Variants in GPATCH8 observed in about 807,000 individuals in gnomAD.
GPATCH8 encodes G patch domain-containing protein 8.
In GPATCH8, 18 loss-of-function variants were observed where a neutral mutation model predicts 118.3. The observed-to-expected ratio is 0.15, with a 90% CI of 0.11 to 0.23. The LOEUF is 0.23. Among genes scored for constraint, GPATCH8 ranks in the 10% least tolerant of loss-of-function variants. GPATCH8 has a pLI of 1.00. For missense variants in GPATCH8, 1,631 were observed against 1,873.8 expected (o/e 0.87, Z 2.39); for synonymous variants, 659 against 684.7 (o/e 0.96, Z 0.59).
rs1176540299 is a variant in GPATCH8, at chr17:44,459,662, T to G, written c.193+4810A>C. On this transcript the variant is annotated intron_variant, in intron 3 of 7. Transcript: ENST00000591680. ...ACTGATCACATACTTAATTTAAGTATGAAAGGAGTGCACAAAAGTAGAAAA... is the reference window on the plus strand; with the variant it reads ...ACTGATCACATACTTAATTTAAGTAGGAAAGGAGTGCACAAAAGTAGAAAA... 2.0e-5 allele frequency among the ~76,000 whole-genome samples: 3 copies of G among 151,916 alleles called. No homozygotes were observed. The East Asian group carries it at 5.8e-4, about 29-fold the overall frequency.
intron 2 of GPATCH8, 134 bp downstream of exon 2, chr17:44,474,695 G>A (rs1163070711): frequency 2.8e-6 from 2 of 705,892 alleles, no homozygotes; most frequent in East Asian, 2.7e-5. Context: ...ATTGATTACT[G>A]TATGGCATGC....
intron 6 of GPATCH8, among the ~76,000 whole-genome samples, chr17:44,412,218 C>T (rs57450948): frequency 0.022 from 3,288 of 152,046 alleles, 64 homozygotes; most frequent in East Asian, 0.12. Flanking sequence ...CCACCACGCA[C>T]GGCCAAAAAA....
At chr17:44,468,001 G>A (rs966684341) in intron 2 of GPATCH8, among the ~76,000 whole-genome samples, 1 of 151,496 alleles carries the variant, frequency 6.6e-6, no homozygotes, top group Non-Finnish European at 1.5e-5. Flanking sequence ...AATTATTCCA[G>A]GATTTTTTTT....
chr17:44,439,506 G>A (rs1160489507), intron 3 of GPATCH8, among the ~76,000 whole-genome samples: 2 of 152,110 alleles, frequency 1.3e-5, no homozygotes. Flanking sequence ...TGACATTATT[G>A]CCTGGGCCAA....
intron 1 of GPATCH8, among the ~76,000 whole-genome samples, chr17:44,497,777 A>G (rs12935958): frequency 0.03 from 4,614 of 151,782 alleles, 216 homozygotes; most frequent in African/African-American, 0.11. Flanking sequence ...CCGTCTCTAA[A>G]AAAAGTACAA....
In GPATCH8 at chr17:44,399,330, T is replaced by C. The variant is rs765741160; in HGVS notation, c.2747A>G (p.Tyr916Cys). ...TTTTGATCGGTGTTTGGAGCTGGCA[T>C]AGTCTGAGTCATCTGAGTCATGGGA... ...KRSHDSDDSD[Y>C]ASSKHRSKRH... is the part of the protein sequence containing the mutation. The change falls in exon 8 of 8, where the codon TAT becomes TGT. Residue 916 changes from tyrosine to cysteine, a missense_variant. Around this residue, in one of 8 missense-constraint regions of GPATCH8, gnomAD observed 922 missense variants for 879.7 expected, o/e 1.05. Coordinates refer to ENST00000591680, the MANE Select transcript of GPATCH8 (RefSeq NM_001002909.4). The C allele has an allele frequency of 3.1e-6, 5 of 1,613,950 alleles. No individual in the cohort carries two copies. The South Asian group carries it at 3.3e-5, about 11-fold the overall frequency.
chr17:44,477,679 G>A (rs1967886710), intron 1 of GPATCH8, among the ~76,000 whole-genome samples: 2 of 151,556 alleles, frequency 1.3e-5, no homozygotes, highest in Non-Finnish European at 1.5e-5. Context: ...GAATAGCAAG[G>A]GACAGGAGGA....
At chr17:44,402,047 C>T (rs1368891461) in intron 7 of GPATCH8, among the ~76,000 whole-genome samples, 1 of 146,924 alleles carries the variant, frequency 6.8e-6, no homozygotes, top group Non-Finnish European at 1.5e-5. Flanking sequence ...ACAGGCCGGG[C>T]GCAGTGGCTC....
At chr17:44,463,660 G>A (rs532615093) in intron 3 of GPATCH8, among the ~76,000 whole-genome samples, 1 of 152,298 alleles carries the variant, frequency 6.6e-6, no homozygotes, top group South Asian at 2.1e-4. Context: ...GATTACAGGC[G>A]TGAGCCACCG....
chr17:44,415,243 C>A (rs1267433094), intron 6 of GPATCH8, among the ~76,000 whole-genome samples: 3 of 151,976 alleles, frequency 2.0e-5, no homozygotes, highest in Admixed American at 6.6e-5. Flanking sequence ...TTTAGCCATC[C>A]CAGTGGGTAT....
intron 1 of GPATCH8, among the ~76,000 whole-genome samples, chr17:44,502,709 T>C (rs1341940001): frequency 6.6e-6 from 1 of 152,204 alleles, no homozygotes; most frequent in East Asian, 1.9e-4. Flanking sequence ...AGTAACTTAC[T>C]GCTTTCCAAG....
At chr17:44,468,697 T>C (rs1967022467) in intron 2 of GPATCH8, among the ~76,000 whole-genome samples, 2 of 152,194 alleles carry the variant, frequency 1.3e-5, no homozygotes, top group South Asian at 2.1e-4. Flanking sequence ...TATAATCTCA[T>C]AGAACCAAAA....
At chr17:44,439,617 A>G (rs1401680120) in intron 3 of GPATCH8, among the ~76,000 whole-genome samples, 1 of 152,182 alleles carries the variant, frequency 6.6e-6, no homozygotes, top group Non-Finnish European at 1.5e-5. Flanking sequence ...TGCAGCATTA[A>G]AAAACAAAAC....
chr17:44,469,506 C>T (rs7502443), intron 2 of GPATCH8, among the ~76,000 whole-genome samples: 81,635 of 151,942 alleles, frequency 0.54, 22,586 homozygotes, highest in Middle Eastern at 0.62. Flanking sequence ...AAGAGAAAAC[C>T]ATGCTACAGG....
chr17:44,501,411 C>T (rs1015280463), intron 1 of GPATCH8, among the ~76,000 whole-genome samples: 2 of 113,570 alleles, frequency 1.8e-5, no homozygotes, highest in African/African-American at 3.4e-5. Context: ...AGCGAGACTC[C>T]ATTTCAAAAA....
chr17:44,438,780 G>T (rs984389610), intron 3 of GPATCH8: 13 of 152,590 alleles, frequency 8.5e-5, no homozygotes, highest in African/African-American at 3.1e-4. Context: ...CCTTCTAGCA[G>T]GCAGACAGGA....
intron 1 of GPATCH8, among the ~76,000 whole-genome samples, chr17:44,501,436 C>T (rs1428446330): frequency 6.6e-6 from 1 of 151,870 alleles, no homozygotes; most frequent in African/African-American, 2.4e-5. Flanking sequence ...AAAAATTTTT[C>T]CTGGCTGACC....
At chr17:44,502,805 G>A (rs1242830863) in intron 1 of GPATCH8, among the ~76,000 whole-genome samples, 2 of 152,212 alleles carry the variant, frequency 1.3e-5, no homozygotes, top group East Asian at 3.8e-4. Context: ...GATAGCGAAG[G>A]CAACCTTTTC....
chr17:44,432,047 G>A (rs979646081), intron 5 of GPATCH8, among the ~76,000 whole-genome samples: 1 of 136,062 alleles, frequency 7.3e-6, no homozygotes, highest in Non-Finnish European at 1.6e-5. Flanking sequence ...ATCAGAGTGG[G>A]TTTTTTTTTT....
Sources: gnomAD v4.1 joint callset for allele counts (sites outside exome capture counted in the v4.1 genomes callset) on GRCh38, gnomAD v4.1.1 for gene constraint, gnomAD v4.1.1 regional missense constraint, MANE v1.5 for transcripts, NCBI Gene and HGNC (gene_info 2026-07-23, HGNC 2026-07-21) for gene names.